WWOX: variants seen among roughly 807,000 people sequenced by gnomAD.
The protein encoded by WWOX is WW domain containing oxidoreductase, also known as WW domain-containing oxidoreductase.
In WWOX, 69 loss-of-function variants were observed where a neutral mutation model predicts 46.2. That is an observed-to-expected ratio of 1.49 (90% CI 1.23 to 1.82). The LOEUF (loss-of-function observed/expected upper bound fraction) is 1.82, where lower values mean the gene tolerates loss of function less well. Ranked by LOEUF, WWOX falls within the 40% of genes most tolerant of loss-of-function variation. The probability of loss-of-function intolerance (pLI) is 0.00; values close to 1 mark genes in which losing one functional copy is unlikely to be tolerated. For missense variants in WWOX, 919 were observed against 542.6 expected, an observed-to-expected ratio of 1.69 and a Z score of -6.89; for synonymous variants, 359 against 202.6, an observed-to-expected ratio of 1.77 and a Z score of -6.56.
chr16:78,706,447 C>G (rs1280068727), intron 8 of WWOX, among the ~76,000 whole-genome samples: 2 of 152,128 alleles, frequency 1.3e-5, no homozygotes, highest in Admixed American at 6.6e-5. Context: ...TTTCTGTAAT[C>G]AAGAGCTCCA....
rs541159423 is a variant in WWOX at position 78,947,638 on chromosome 16, C to G, written c.1057-263970C>G. Among the ~76,000 whole-genome samples the G allele has an allele frequency of 5.3e-5, 8 of 152,298 alleles. No homozygotes were observed. The South Asian group carries it at 1.4e-3, about 28-fold the overall frequency. ...ACACTGTGGTCAGATAACCCCCGAT[C>G]GTAATAAGCCGGAGGATAATCGCTT... On this transcript the variant is annotated intron_variant, in intron 8 of 8. Coordinates refer to ENST00000566780, the MANE Select transcript of WWOX (RefSeq NM_016373.4).
chr16:78,566,289 A>G (rs2044563411), intron 8 of WWOX, among the ~76,000 whole-genome samples: 1 of 152,098 alleles, frequency 6.6e-6, no homozygotes, highest in Non-Finnish European at 1.5e-5. Flanking sequence ...AATTTGGGGG[A>G]GCTGGGGAGA....
chr16:79,161,609 G>C (rs886923449), intron 8 of WWOX, among the ~76,000 whole-genome samples: 5 of 152,264 alleles, frequency 3.3e-5, no homozygotes. Context: ...TGTAGCTGCT[G>C]TCTCCCGGAT....
intron 8 of WWOX, among the ~76,000 whole-genome samples, chr16:78,968,756 G>C (rs1027158905): frequency 6.6e-6 from 1 of 152,030 alleles, no homozygotes; most frequent in Non-Finnish European, 1.5e-5. Context: ...GGAATCATTA[G>C]CATGGTGAAG....
chr16:78,159,205 A>G (rs558269000), intron 4 of WWOX, among the ~76,000 whole-genome samples: 1 of 152,070 alleles, frequency 6.6e-6, no homozygotes, highest in Non-Finnish European at 1.5e-5. Context: ...CCATTCATTC[A>G]TCAGTAGAAA....
At position 78,710,789 on chromosome 16, in the gene WWOX, A is replaced by AT. The variant is rs540240556; in HGVS notation, c.1056+278043dup. Among the ~76,000 whole-genome samples, 615 of 151,038 alleles carry AT rather than the reference A, an allele frequency of 4.1e-3. 2 individuals carry two copies. Among genetic ancestry groups the AT allele is most frequent in the African/African-American group, 0.014 (590 of 41,098 alleles). The stretch of plus-strand genomic sequence containing the variant: ...GCTACCGTGCCCAGCTAATTGTTTA[A>AT]TTTTTTGTAGAGATAGGATCTCTCC... On this transcript the variant is annotated intron_variant, in intron 8 of 8. Transcript: ENST00000566780.
At chr16:78,828,669 TATTA>T (rs532722122) in intron 8 of WWOX, among the ~76,000 whole-genome samples, 33 of 152,210 alleles carry the variant, frequency 2.2e-4, no homozygotes, top group Non-Finnish European at 4.0e-4. Flanking sequence ...CTCTGACCTT[TATTA>T]ATTATGTGTG....
chr16:79,160,973 C>T (rs1384763151), intron 8 of WWOX, among the ~76,000 whole-genome samples: 1 of 152,108 alleles, frequency 6.6e-6, no homozygotes, highest in African/African-American at 2.4e-5. Flanking sequence ...TAGCACGTTT[C>T]CTGGCACCTT....
In WWOX at chr16:78,470,508, G is replaced by A. The variant is rs568984711; in HGVS notation, c.1056+37756G>A. Among the ~76,000 whole-genome samples the A allele has an allele frequency of 9.9e-5, 15 of 152,154 alleles. No individual in the cohort carries two copies. The South Asian group carries it at 2.9e-3, about 30-fold the overall frequency. ...CAAGACCCCACTCTTTTATTTTCAT[G>A]TATGTATATATGTATGTATGCATGT... On this transcript the variant is annotated intron_variant, in intron 8 of 8. Transcript: ENST00000566780.
intron 8 of WWOX, among the ~76,000 whole-genome samples, chr16:79,146,355 C>G (rs2050182631): frequency 6.6e-6 from 1 of 152,094 alleles, no homozygotes; most frequent in South Asian, 2.1e-4. Flanking sequence ...GCCATGTTTT[C>G]CCATCTCTGA....
At chr16:78,995,380 G>C (rs933571674) in intron 8 of WWOX, among the ~76,000 whole-genome samples, 1 of 152,024 alleles carries the variant, frequency 6.6e-6, no homozygotes, top group Non-Finnish European at 1.5e-5. Flanking sequence ...GCGTTCTTTG[G>C]GGTAGGACAT....
intron 5 of WWOX, among the ~76,000 whole-genome samples, chr16:78,304,952 T>G (rs574775742): frequency 1.3e-5 from 2 of 152,276 alleles, no homozygotes; most frequent in African/African-American, 2.4e-5. Flanking sequence ...CTTCCTCTTT[T>G]TTTTTCTTTT....
intron 5 of WWOX, among the ~76,000 whole-genome samples, chr16:78,171,711 C>T (rs1372193754): frequency 6.6e-6 from 1 of 152,072 alleles, no homozygotes; most frequent in African/African-American, 2.4e-5. Flanking sequence ...TTCCTCATTT[C>T]TTTGCTTTAC....
intron 8 of WWOX, among the ~76,000 whole-genome samples, chr16:78,839,111 T>A (rs2052069742): frequency 6.6e-6 from 1 of 152,170 alleles, no homozygotes; most frequent in Non-Finnish European, 1.5e-5. Context: ...TGCATGTGAA[T>A]CTACACTTAT....
intron 8 of WWOX, among the ~76,000 whole-genome samples, chr16:78,507,149 C>T (rs1370611509): frequency 6.6e-6 from 1 of 152,098 alleles, no homozygotes; most frequent in Non-Finnish European, 1.5e-5. Flanking sequence ...CAACAGAGAA[C>T]AAATGAAAAG....
At chr16:79,114,377 C>CAT (rs2049472086) in intron 8 of WWOX, among the ~76,000 whole-genome samples, 1 of 37,014 alleles carries the variant, frequency 2.7e-5, no homozygotes, top group Non-Finnish European at 4.9e-5. Flanking sequence ...CACGTGTGTG[C>CAT]ACACATATCT....
At chr16:79,038,132 TC>T (rs2047903611) in intron 8 of WWOX, among the ~76,000 whole-genome samples, 1 of 152,006 alleles carries the variant, frequency 6.6e-6, no homozygotes, top group Admixed American at 6.6e-5. Flanking sequence ...AAAGGATCTG[TC>T]CCCCCGTGAA....
chr16:78,319,018 A>G (rs1597477073), intron 5 of WWOX, among the ~76,000 whole-genome samples: 1 of 152,212 alleles, frequency 6.6e-6, no homozygotes, highest in East Asian at 1.9e-4. Context: ...TGATCCTGCG[A>G]AGTTAAAATC....
chr16:78,186,415 C>G (rs1369000978), intron 5 of WWOX, among the ~76,000 whole-genome samples: 5 of 152,142 alleles, frequency 3.3e-5, no homozygotes, highest in African/African-American at 1.2e-4. Flanking sequence ...GACAGTTGAT[C>G]AATTGATATC....
Sources: allele counts gnomAD v4.1 joint callset (sites outside exome capture counted in the v4.1 genomes callset), GRCh38; gene constraint gnomAD v4.1.1; transcripts MANE v1.5; gene names NCBI Gene and HGNC (gene_info 2026-07-23, HGNC 2026-07-21).